CEMIP2: variants seen among roughly 807,000 people sequenced by gnomAD.
CEMIP2 encodes cell migration inducing hyaluronidase 2, also known as cell surface hyaluronidase CEMIP2.
In CEMIP2, 79 loss-of-function variants were observed where a neutral mutation model predicts 146.9. The ratio of observed to expected loss-of-function variants is 0.54; its 90% CI spans 0.45 to 0.65. The LOEUF (loss-of-function observed/expected upper bound fraction) is 0.65. CEMIP2 is among the 30% of genes least tolerant of loss of function. The pLI is 0.00. For missense variants in CEMIP2, 1,596 were observed against 1,696.2 expected (o/e 0.94, Z 1.04); for synonymous variants, 601 against 606.3 (o/e 0.99, Z 0.13).
rs776613627 is a variant in CEMIP2, at chr9:71,725,729, C to G, written c.2050-20G>C. The G allele has an allele frequency of 1.2e-6, 2 of 1,607,814 alleles. No individual in the cohort carries two copies. Among genetic ancestry groups the G allele is most frequent in the Non-Finnish European group, 8.5e-7 (1 of 1,177,482 alleles). On this transcript the variant is annotated intron_variant, in intron 10 of 23. Transcript: ENST00000377044. ...AGCATCCTACAAATGAAAGGACAAG[C>G]CCATTAAAAGCCTAATTTATACAGA...
chr9:71,753,037 G>A (rs994745171), intron 1 of CEMIP2, among the ~76,000 whole-genome samples: 1 of 228 alleles, frequency 4.4e-3, no homozygotes, highest in Non-Finnish European at 0.015. Context: ...CCAAGCAGCA[G>A]ACAAAAATAA....
chr9:71,691,525 A>G (rs983166676), intron 21 of CEMIP2, among the ~76,000 whole-genome samples: 1 of 152,254 alleles, frequency 6.6e-6, no homozygotes, highest in African/African-American at 2.4e-5. Context: ...GAAAGACTAG[A>G]TATGATTTCC....
At chr9:71,727,639 T>TA (rs147505134) in intron 10 of CEMIP2, among the ~76,000 whole-genome samples, 10,714 of 152,312 alleles carry the variant, frequency 0.07, 541 homozygotes, top group South Asian at 0.19. Flanking sequence ...GCTAGGTATT[T>TA]ATTTCCTTTT....
intron 19 of CEMIP2, among the ~76,000 whole-genome samples, 195 bp downstream of exon 19, chr9:71,700,447 C>T (rs1021773135): frequency 2.6e-5 from 4 of 152,134 alleles, no homozygotes; most frequent in African/African-American, 9.7e-5. Context: ...ATACAGCAAA[C>T]ATCTTCACTC....
intron 10 of CEMIP2, among the ~76,000 whole-genome samples, chr9:71,728,486 A>AG (rs1395043587): frequency 1.3e-5 from 2 of 149,346 alleles, no homozygotes; most frequent in African/African-American, 4.9e-5. Context: ...TGTCTCAGGG[A>AG]GAAAAAAAAA....
intron 10 of CEMIP2, among the ~76,000 whole-genome samples, chr9:71,728,261 GTA>G (rs1164205843): frequency 0.03 from 149 of 5,006 alleles, 27 homozygotes; most frequent in African/African-American, 0.073. Flanking sequence ...GTATATACAC[GTA>G]TATATATATA....
At chr9:71,728,141 G>A (rs1232015415) in intron 10 of CEMIP2, among the ~76,000 whole-genome samples, 3 of 147,070 alleles carry the variant, frequency 2.0e-5, no homozygotes. Flanking sequence ...TAAGGCAGGT[G>A]GATAGCTTGA....
At chr9:71,722,814 A>G (rs1035976952) in intron 11 of CEMIP2, among the ~76,000 whole-genome samples, 2 of 152,234 alleles carry the variant, frequency 1.3e-5, no homozygotes, top group Non-Finnish European at 1.5e-5. Flanking sequence ...AAAAACTAGC[A>G]GAAAGACATG....
chr9:71,761,898 C>A (rs1824647322), intron 1 of CEMIP2, among the ~76,000 whole-genome samples: 1 of 152,100 alleles, frequency 6.6e-6, no homozygotes, highest in Non-Finnish European at 1.5e-5. Context: ...TTTCTAAAAG[C>A]CCTGGCAAAT....
chr9:71,701,346 T>A (rs760097441), intron 18 of CEMIP2, among the ~76,000 whole-genome samples: 22 of 152,258 alleles, frequency 1.4e-4, no homozygotes, highest in East Asian at 1.9e-4. Context: ...CCTCAAGTGA[T>A]CCGCCCACCT....
intron 1 of CEMIP2, among the ~76,000 whole-genome samples, chr9:71,756,851 A>G (rs1824475531): frequency 6.6e-6 from 1 of 152,236 alleles, no homozygotes; most frequent in Non-Finnish European, 1.5e-5. Flanking sequence ...TTTTAACTAC[A>G]CATTATGAAA....
In CEMIP2 at chr9:71,685,301, C is replaced by T. The variant is rs1308579774; in HGVS notation, c.4048G>A (p.Glu1350Lys). The T allele has an allele frequency of 1.2e-6, 2 of 1,608,518 alleles. No homozygotes were observed. The highest frequency in any genetic ancestry group is 8.5e-7 in the Non-Finnish European group (1 of 1,179,524). Residue 1350 changes from glutamate (E) to lysine (K), a missense_variant, in exon 24 of 24, where the codon GAA becomes AAA. Coordinates refer to ENST00000377044, the MANE Select transcript of CEMIP2 (RefSeq NM_013390.3). ...SPAGQGLGVL[E>K]QFIPLQLDEY... Reference sequence around the variant, plus strand: ...TCCAGCTGCAAAGGTATGAATTGTTCAAGCACCCCAAGGCCCTGTCCAGCA... The same window carrying T: ...TCCAGCTGCAAAGGTATGAATTGTTTAAGCACCCCAAGGCCCTGTCCAGCA...
chr9:71,698,535 T>A (rs1437686298), intron 19 of CEMIP2, among the ~76,000 whole-genome samples: 1 of 152,224 alleles, frequency 6.6e-6, no homozygotes, highest in Non-Finnish European at 1.5e-5. Flanking sequence ...ACTTTATACA[T>A]AATGTGTTGA....
chr9:71,761,896 A>G (rs1333939200), intron 1 of CEMIP2, among the ~76,000 whole-genome samples: 1 of 152,184 alleles, frequency 6.6e-6, no homozygotes, highest in Non-Finnish European at 1.5e-5. Flanking sequence ...ATTTTCTAAA[A>G]GCCCTGGCAA....
intron 19 of CEMIP2, among the ~76,000 whole-genome samples, chr9:71,700,252 C>A (rs532125357): frequency 6.6e-6 from 1 of 152,242 alleles, no homozygotes; most frequent in Non-Finnish European, 1.5e-5. Context: ...AACTCAAGGT[C>A]AACTTGTAAG....
chr9:71,689,208 T>C (rs1822157346), intron 22 of CEMIP2, among the ~76,000 whole-genome samples: 1 of 152,212 alleles, frequency 6.6e-6, no homozygotes, highest in African/African-American at 2.4e-5. Context: ...ATATATACAT[T>C]TAATGTTACA....
At chr9:71,693,064 C>T (rs1307245037) in intron 21 of CEMIP2, among the ~76,000 whole-genome samples, 1 of 152,120 alleles carries the variant, frequency 6.6e-6, no homozygotes, top group Non-Finnish European at 1.5e-5. Context: ...GACTTCATGC[C>T]ACTGAACTGC....
At chr9:71,740,478 A>G (rs957341868) in intron 4 of CEMIP2, among the ~76,000 whole-genome samples, 1 of 152,204 alleles carries the variant, frequency 6.6e-6, no homozygotes, top group Non-Finnish European at 1.5e-5. Flanking sequence ...GATGACTACA[A>G]TTTCAATTAA....
chr9:71,690,201 G>A lies in CEMIP2; in HGVS notation c.3742C>T (p.Leu1248Phe), dbSNP rs1018532872. 6 of 1,614,118 alleles carry A rather than the reference G, an allele frequency of 3.7e-6. No homozygotes were observed. Among genetic ancestry groups the A allele is most frequent in the Non-Finnish European group, 3.4e-6 (4 of 1,179,978 alleles). The stretch of plus-strand genomic sequence containing the variant: ...GGAACGCTGCACGGATCCACAACAA[G>A]GAGGAGGACGCCTGCACTTCGGAAG... ...FTFRSAGVLLLVVDPCSVPFR... is the reference protein window; with the variant it reads ...FTFRSAGVLLFVVDPCSVPFR... Residue 1248 changes from leucine to phenylalanine, a missense_variant, in exon 22 of 24, where the codon CTT becomes TTT. Coordinates refer to ENST00000377044, the MANE Select transcript of CEMIP2 (RefSeq NM_013390.3).
Sources: allele counts gnomAD v4.1 joint callset (sites outside exome capture counted in the v4.1 genomes callset), GRCh38; gene constraint gnomAD v4.1.1; transcripts MANE v1.5; gene names NCBI Gene and HGNC (gene_info 2026-07-23, HGNC 2026-07-21).